Variants in AXDND1 observed in about 807,000 individuals in gnomAD.
AXDND1 encodes axonemal dynein light chain domain-containing protein 1.
In AXDND1, 110 loss-of-function variants were observed where a neutral mutation model predicts 137.5. The ratio of observed to expected loss-of-function variants is 0.80; its 90% CI spans 0.69 to 0.94. AXDND1 has a LOEUF of 0.94. AXDND1 is among the 40% of genes least tolerant of loss of function. The pLI is 0.00. For synonymous variants in AXDND1, 414 were observed against 399.7 expected, an observed-to-expected ratio of 1.04 and a Z score of -0.43; for missense variants, 1,191 against 1,169.8, an observed-to-expected ratio of 1.02 and a Z score of -0.26.
intron 9 of AXDND1, among the ~76,000 whole-genome samples, chr1:179,386,050 CTTTTTTTTT>C (rs71111980): frequency 3.9e-5 from 4 of 102,426 alleles, no homozygotes; most frequent in African/African-American, 1.2e-4. Flanking sequence ...GGATTTTTTC[CTTTTTTTTT>C]TTTTTTTTTT....
intron 25 of AXDND1, chr1:179,552,137 T>G: frequency 5.5e-6 from 1 of 181,452 alleles, no homozygotes; most frequent in Admixed American, 5.4e-5. Context: ...CTTGCTGTCA[T>G]GCCTGAGTGG....
At chr1:179,427,731 G>A (rs1275063163) in intron 12 of AXDND1, among the ~76,000 whole-genome samples, 2 of 152,122 alleles carry the variant, frequency 1.3e-5, no homozygotes, top group Admixed American at 1.3e-4. Flanking sequence ...AGTTCTTACA[G>A]TAATCCCTTG....
intron 22 of AXDND1, among the ~76,000 whole-genome samples, chr1:179,527,806 C>A (rs1400724358): frequency 6.6e-6 from 1 of 152,040 alleles, no homozygotes; most frequent in African/African-American, 2.4e-5. Context: ...GGGATAAGAC[C>A]CCTTTTCTGG....
chr1:179,502,990 G>A (rs1352779118), intron 20 of AXDND1, among the ~76,000 whole-genome samples: 1 of 151,974 alleles, frequency 6.6e-6, no homozygotes, highest in African/African-American at 2.4e-5. Context: ...AGCTACTCAG[G>A]AGGCTGAGGC....
chr1:179,541,655 A>T (rs1672157783), intron 25 of AXDND1, among the ~76,000 whole-genome samples: 1 of 151,548 alleles, frequency 6.6e-6, no homozygotes, highest in Non-Finnish European at 1.5e-5. Context: ...TATGCATAAT[A>T]TATGCATGAT....
chr1:179,491,803 A>C, intron 19 of AXDND1, 66 bp downstream of exon 19: 1 of 1,332,354 alleles, frequency 7.5e-7, no homozygotes, highest in East Asian at 2.5e-5. Context: ...GAGAAGAGAC[A>C]GTGAAGTAGT....
At chr1:179,429,492 C>G (rs952132709) in intron 12 of AXDND1, 26 bp from the exon 13 acceptor site, 3 of 1,242,614 alleles carry the variant, frequency 2.4e-6, no homozygotes, top group Non-Finnish European at 2.2e-6. Context: ...TTTTAGGTTC[C>G]TGATTATAGT....
intron 17 of AXDND1, among the ~76,000 whole-genome samples, chr1:179,474,861 C>T (rs1262773597): frequency 6.6e-6 from 1 of 152,300 alleles, no homozygotes; most frequent in East Asian, 1.9e-4. Context: ...ATCCTCAGAC[C>T]AACCCCTCTT....
At chr1:179,441,072 C>G (rs1658911688) in intron 15 of AXDND1, among the ~76,000 whole-genome samples, 1 of 152,178 alleles carries the variant, frequency 6.6e-6, no homozygotes, top group Non-Finnish European at 1.5e-5. Context: ...GAACCCATCC[C>G]TGAAACGGGG....
At chr1:179,502,421 C>T (rs1045168950) in intron 20 of AXDND1, among the ~76,000 whole-genome samples, 3 of 151,588 alleles carry the variant, frequency 2.0e-5, no homozygotes, top group South Asian at 4.2e-4. Flanking sequence ...AAAATTAGCC[C>T]GGCATGGTGG....
intron 18 of AXDND1, among the ~76,000 whole-genome samples, chr1:179,486,712 C>A (rs959516742): frequency 2.7e-5 from 4 of 148,826 alleles, no homozygotes; most frequent in African/African-American, 7.7e-5. Context: ...ACAAGAACTT[C>A]ATATCTAGCC....
Position 179,381,261 on chromosome 1 carries a change from C to T in AXDND1, c.582-1439C>T, listed in dbSNP as rs148799808. ...TTCACCATGTTAGCCAAGCTGGTCT[C>T]GAACTCCTGACCTCAGGTGATCTGC... On this transcript the variant is annotated intron_variant, in intron 6 of 25. Transcript: ENST00000367618. 9.1e-4 allele frequency among the ~76,000 whole-genome samples: 138 copies of T among 151,332 alleles called. 1 individual carries two copies. The highest frequency in any genetic ancestry group is 3.1e-3 in the African/African-American group (129 of 41,214).
intron 18 of AXDND1, among the ~76,000 whole-genome samples, chr1:179,488,673 TTCTTTCTTTC>T (rs1242856574): frequency 1.4e-5 from 2 of 138,504 alleles, no homozygotes; most frequent in Non-Finnish European, 3.1e-5. Flanking sequence ...CTTTCTTTCT[TTCTTTCTTTC>T]TTTCTTTCTT....
intron 17 of AXDND1, among the ~76,000 whole-genome samples, chr1:179,473,304 C>T (rs1664190476): frequency 6.6e-6 from 1 of 151,948 alleles, no homozygotes; most frequent in Non-Finnish European, 1.5e-5. Context: ...TCAAGACCAG[C>T]CTGGCCAACA....
At chr1:179,407,997 C>T (rs1653246756) in intron 11 of AXDND1, among the ~76,000 whole-genome samples, 1 of 152,108 alleles carries the variant, frequency 6.6e-6, no homozygotes, top group Admixed American at 6.6e-5. Flanking sequence ...TTTCAAAAGA[C>T]CTGTCTTCAA....
At chr1:179,546,734 T>A (rs1416329846) in intron 25 of AXDND1, among the ~76,000 whole-genome samples, 1 of 152,118 alleles carries the variant, frequency 6.6e-6, no homozygotes, top group Admixed American at 6.6e-5. Flanking sequence ...TTGGTACTGT[T>A]TTGGGAGTGC....
chr1:179,538,851 A>G (rs951209712), intron 25 of AXDND1, among the ~76,000 whole-genome samples: 1 of 149,534 alleles, frequency 6.7e-6, no homozygotes, highest in Non-Finnish European at 1.5e-5. Flanking sequence ...GTCTCTAAAA[A>G]CTTGCTTTCT....
intron 17 of AXDND1, among the ~76,000 whole-genome samples, chr1:179,478,734 A>T (rs976001324): frequency 6.6e-6 from 1 of 152,234 alleles, no homozygotes; most frequent in Non-Finnish European, 1.5e-5. Context: ...CTCTTAAAAA[A>T]TGGGATATTT....
At position 179,383,561 on chromosome 1, in the gene AXDND1, A is replaced by G; in HGVS notation, c.741+17A>G. ...CCAACGAAGGTAATTGCAAAGCCGA[A>G]TGCAACCTGGTGGCTAAGAGCATGC... On this transcript the variant is annotated intron_variant, in intron 8 of 25. Transcript: ENST00000367618. 6.3e-7 allele frequency: 1 copy of G among 1,589,944 alleles called. No individual in the cohort carries two copies. The highest frequency in any genetic ancestry group is 8.6e-7 in the Non-Finnish European group (1 of 1,158,606).
Sources: gnomAD v4.1 joint callset for allele counts (sites outside exome capture counted in the v4.1 genomes callset) on GRCh38, gnomAD v4.1.1 for gene constraint, MANE v1.5 for transcripts, NCBI Gene and HGNC (gene_info 2026-07-23, HGNC 2026-07-21) for gene names.